PDE3B: variants seen among roughly 807,000 people sequenced by gnomAD.
The protein encoded by PDE3B is cGMP-inhibited 3',5'-cyclic phosphodiesterase 3B.
PDE3B carries 66 observed loss-of-function variants against 116.8 expected under a neutral mutation model. That is an observed-to-expected ratio of 0.56 (90% confidence interval 0.46 to 0.69). The LOEUF is 0.69. PDE3B is among the 30% of genes least tolerant of loss of function. The pLI, the probability that PDE3B is intolerant of heterozygous loss-of-function variation, is 0.00. For synonymous variants in PDE3B, 595 were observed against 533.6 expected, an observed-to-expected ratio of 1.12 and a Z score of -1.59; for missense variants, 1,384 against 1,368.1, an observed-to-expected ratio of 1.01 and a Z score of -0.18.
chr11:14,839,013 C>A (rs1860144864), intron 11 of PDE3B, among the ~76,000 whole-genome samples: 1 of 152,190 alleles, frequency 6.6e-6, no homozygotes, highest in African/African-American at 2.4e-5. Context: ...ATTTTATCCC[C>A]AAGAAGTATC....
At chr11:14,690,137 C>A (rs576644921) in intron 1 of PDE3B, among the ~76,000 whole-genome samples, 2 of 152,088 alleles carry the variant, frequency 1.3e-5, no homozygotes, top group African/African-American at 4.8e-5. Flanking sequence ...GTGATATGGA[C>A]GTGTCCTATA....
intron 5 of PDE3B, among the ~76,000 whole-genome samples, chr11:14,809,413 A>G (rs1859056218): frequency 6.6e-6 from 1 of 152,234 alleles, no homozygotes; most frequent in Admixed American, 6.5e-5. Context: ...AGTGAAATGG[A>G]GTAGTATTCA....
intron 1 of PDE3B, among the ~76,000 whole-genome samples, chr11:14,764,329 T>A (rs1857437724): frequency 6.6e-6 from 1 of 152,078 alleles, no homozygotes; most frequent in Non-Finnish European, 1.5e-5. Flanking sequence ...AGAAACCAGC[T>A]GCAAGGCTTC....
chr11:14,660,172 G>C (rs879787547), intron 1 of PDE3B, among the ~76,000 whole-genome samples: 3 of 152,164 alleles, frequency 2.0e-5, no homozygotes, highest in Admixed American at 6.5e-5. Flanking sequence ...GAGTTTACGA[G>C]ATCTTATGCC....
intron 14 of PDE3B, among the ~76,000 whole-genome samples, chr11:14,867,113 C>A (rs1449379342): frequency 6.7e-6 from 1 of 150,178 alleles, no homozygotes; most frequent in African/African-American, 2.4e-5. Context: ...AAAGCACTTG[C>A]AAAATTCAGC....
At chr11:14,826,515 A>G (rs1448645293) in intron 7 of PDE3B, among the ~76,000 whole-genome samples, 2 of 152,188 alleles carry the variant, frequency 1.3e-5, no homozygotes, top group African/African-American at 2.4e-5. Flanking sequence ...TAGAAAACCT[A>G]GAAGAGATGG....
chr11:14,745,016 G>C (rs1157293612), intron 1 of PDE3B, among the ~76,000 whole-genome samples: 1 of 151,820 alleles, frequency 6.6e-6, no homozygotes, highest in Non-Finnish European at 1.5e-5. Context: ...ATAGAGACAG[G>C]GTCTCTCTAT....
chr11:14,695,089 T>G (rs2133810723), intron 1 of PDE3B, among the ~76,000 whole-genome samples: 1 of 152,324 alleles, frequency 6.6e-6, no homozygotes, highest in East Asian at 1.9e-4. Flanking sequence ...TGTTCTGACT[T>G]CCATTTCCAT....
At position 14,818,440 on chromosome 11, in the gene PDE3B, C is replaced by T. The variant is rs966933416; in HGVS notation, c.1733+47C>T. 3.9e-6 allele frequency: 5 copies of T among 1,275,378 alleles called. No individual in the cohort carries two copies. In the African/African-American group the frequency reaches 5.9e-5, roughly 15 times the overall value. 79.0% of individuals were successfully genotyped at this position (1,275,378 alleles called of 1,614,324 possible). A position where few individuals can be genotyped will look rare whatever the true frequency, so the allele number is the denominator to read the frequency against. On this transcript the variant is annotated intron_variant, in intron 6 of 15. Transcript: ENST00000282096. ...TATTTCTGTTTCAAAATGTTGATTA[C>T]AGTTAAGTCCTCAACATTTTGGATA...
At chr11:14,647,002 A>G (rs548929351) in intron 1 of PDE3B, among the ~76,000 whole-genome samples, 1 of 152,232 alleles carries the variant, frequency 6.6e-6, no homozygotes, top group South Asian at 2.1e-4. Context: ...CTATTTTGAC[A>G]TTACTAGAAA....
chr11:14,699,928 G>T (rs1287906698), intron 1 of PDE3B, among the ~76,000 whole-genome samples: 2 of 151,842 alleles, frequency 1.3e-5, no homozygotes, highest in East Asian at 1.9e-4. Flanking sequence ...TTTTGAAATT[G>T]CTATCTCAGT....
chr11:14,693,574 C>A (rs74961771), intron 1 of PDE3B, among the ~76,000 whole-genome samples: 7,630 of 152,220 alleles, frequency 0.05, 471 homozygotes, highest in African/African-American at 0.13. Flanking sequence ...GTAAGCAGAA[C>A]AACAAAGCCT....
rs111897751 is a variant in PDE3B at position 14,724,144 on chromosome 11, A to G, written c.979-47793A>G. Among the ~76,000 whole-genome samples, 879 of 152,252 alleles carry G rather than the reference A, an allele frequency of 5.8e-3. 10 individuals carry two copies. Among genetic ancestry groups the G allele is most frequent in the African/African-American group, 0.02 (849 of 41,532 alleles). Reference sequence around the variant, plus strand: ...GGCAAAAGTTTTTTCAGAAATGGAGAGAAATAGACTTGAAAGATGGTTACA... The same window carrying G: ...GGCAAAAGTTTTTTCAGAAATGGAGGGAAATAGACTTGAAAGATGGTTACA... On this transcript the variant is annotated intron_variant, in intron 1 of 15. Transcript: ENST00000282096.
chr11:14,885,723 A>T, the PDE3B span: 59 of 1,569,566 alleles, frequency 3.8e-5, no homozygotes, highest in Non-Finnish European at 4.6e-5. Flanking sequence ...TAAAATAAGG[A>T]ATGTGATTTA....
chr11:14,706,722 CTTA>C, intron 1 of PDE3B, among the ~76,000 whole-genome samples: 1 of 152,004 alleles, frequency 6.6e-6, no homozygotes, highest in Middle Eastern at 3.4e-3. Flanking sequence ...TGAAATTGTA[CTTA>C]TTATCAATTC....
chr11:14,710,781 C>T (rs1486213713), intron 1 of PDE3B, among the ~76,000 whole-genome samples: 2 of 152,172 alleles, frequency 1.3e-5, no homozygotes, highest in Non-Finnish European at 2.9e-5. Context: ...TCCTATAGCT[C>T]TTCTTTCAGA....
Position 14,664,686 on chromosome 11 carries a change from C to G in PDE3B, c.978+19633C>G, listed in dbSNP as rs569725749. 1.1e-4 allele frequency among the ~76,000 whole-genome samples: 17 copies of G among 152,230 alleles called. No homozygotes were observed. The East Asian group carries it at 2.1e-3, about 19-fold the overall frequency. Reference sequence around the variant, plus strand: ...ATCTAGAAGAAAGGGATAAATTCCTCGACACATACACCCTCCCAAGACTAA... The same window carrying G: ...ATCTAGAAGAAAGGGATAAATTCCTGGACACATACACCCTCCCAAGACTAA... On this transcript the variant is annotated intron_variant, in intron 1 of 15. Transcript: ENST00000282096.
intron 1 of PDE3B, among the ~76,000 whole-genome samples, chr11:14,684,162 T>C (rs910732833): frequency 6.6e-6 from 1 of 152,188 alleles, no homozygotes. Context: ...TGCCAAATTG[T>C]TTTTCAAAGT....
At chr11:14,856,637 G>A (rs1217955917) in intron 12 of PDE3B, among the ~76,000 whole-genome samples, 2 of 152,010 alleles carry the variant, frequency 1.3e-5, no homozygotes, top group African/African-American at 2.4e-5. Flanking sequence ...GGCAGATCAC[G>A]AGGTCAGGAG....
Sources: allele counts gnomAD v4.1 joint callset (sites outside exome capture counted in the v4.1 genomes callset), GRCh38; gene constraint gnomAD v4.1.1; transcripts MANE v1.5; gene names NCBI Gene and HGNC (gene_info 2026-07-23, HGNC 2026-07-21).